The following GLI2 variants were observed in gnomAD, a reference collection of about 807,000 sequenced individuals.
GLI2 encodes the protein transcription activator GLI2.
A neutral mutation model predicts 78.9 loss-of-function variants in GLI2; 22 were observed. The ratio of observed to expected loss-of-function variants is 0.28; its 90% confidence interval spans 0.20 to 0.40. GLI2 has a LOEUF of 0.40. GLI2 is among the 10% of genes least tolerant of loss of function. GLI2 has a pLI of 1.00. For missense variants in GLI2, 2,097 were observed against 2,213.2 expected, an observed-to-expected ratio of 0.95 and a Z score of 1.05; for synonymous variants, 974 against 963.7, an observed-to-expected ratio of 1.01 and a Z score of -0.20.
intron 1 of GLI2, among the ~76,000 whole-genome samples, chr2:120,773,093 T>C (rs935220045): frequency 1.3e-5 from 2 of 152,248 alleles, no homozygotes; most frequent in African/African-American, 4.8e-5. Context: ...GTTTTCACTA[T>C]TTTGACAGTA....
intron 3 of GLI2, among the ~76,000 whole-genome samples, chr2:120,948,431 G>C (rs922867338): frequency 1.3e-5 from 2 of 152,130 alleles, no homozygotes; most frequent in African/African-American, 4.8e-5. Context: ...CGGTGGGAAG[G>C]GGGAGGTGGA....
intron 2 of GLI2, among the ~76,000 whole-genome samples, chr2:120,808,620 C>G (rs1262920075): frequency 6.6e-6 from 1 of 152,218 alleles, no homozygotes; most frequent in Non-Finnish European, 1.5e-5. Flanking sequence ...GGTTTCCACG[C>G]TGGAGTCAAT....
At chr2:120,835,897 T>C (rs1158070744) in intron 2 of GLI2, among the ~76,000 whole-genome samples, 4 of 152,190 alleles carry the variant, frequency 2.6e-5, no homozygotes, top group Non-Finnish European at 2.9e-5. Context: ...TCCATGCAGC[T>C]TAACTTTTTT....
intron 5 of GLI2, among the ~76,000 whole-genome samples, chr2:120,959,672 T>C (rs962578719): frequency 6.6e-6 from 1 of 151,630 alleles, no homozygotes; most frequent in Non-Finnish European, 1.5e-5. Context: ...GTCTGTGGGG[T>C]GTCCCCCGGC....
intron 2 of GLI2, among the ~76,000 whole-genome samples, chr2:120,924,289 G>A (rs1234214317): frequency 6.6e-6 from 1 of 152,190 alleles, no homozygotes; most frequent in East Asian, 1.9e-4. Flanking sequence ...AGCAAGGTGG[G>A]GACGTGGTGG....
At chr2:120,765,319 G>A (rs1042413553) in intron 1 of GLI2, among the ~76,000 whole-genome samples, 1 of 152,240 alleles carries the variant, frequency 6.6e-6, no homozygotes, top group South Asian at 2.1e-4. Context: ...TAAGGACAGG[G>A]TCTCCCTGGG....
intron 1 of GLI2, among the ~76,000 whole-genome samples, chr2:120,770,594 G>A (rs1683494058): frequency 6.6e-6 from 1 of 152,202 alleles, no homozygotes; most frequent in African/African-American, 2.4e-5. Flanking sequence ...TGACAGCCAG[G>A]AATGATGTGA....
At chr2:120,967,106 T>C (rs1400883606) in intron 5 of GLI2, among the ~76,000 whole-genome samples, 1 of 152,036 alleles carries the variant, frequency 6.6e-6, no homozygotes, top group East Asian at 1.9e-4. Context: ...CAGACATGAG[T>C]GTGCTTGAGC....
intron 1 of GLI2, among the ~76,000 whole-genome samples, chr2:120,740,295 G>A (rs973117866): frequency 6.6e-6 from 1 of 152,094 alleles, no homozygotes; most frequent in African/African-American, 2.4e-5. Flanking sequence ...TGTTTGTGTT[G>A]TTTCTGGTTT....
At chr2:120,880,146 C>T (rs1007061702) in intron 2 of GLI2, among the ~76,000 whole-genome samples, 1 of 152,054 alleles carries the variant, frequency 6.6e-6, no homozygotes, top group African/African-American at 2.4e-5. Flanking sequence ...AGAAAGTTGT[C>T]TTAAAGGACC....
chr2:120,921,227 C>G (rs866622673), intron 2 of GLI2, among the ~76,000 whole-genome samples: 2 of 150,590 alleles, frequency 1.3e-5, no homozygotes, highest in Admixed American at 1.3e-4. Context: ...AAAAGGTGGT[C>G]TGTAGAGACT....
chr2:120,769,977 C>T lies in GLI2; in HGVS notation c.-30-27314C>T, dbSNP rs76987063. ...CAAGTAGGTGCCTGCTGCCTCCTGT[C>T]CCCTCATTTTGGCCCTGCAGAAGGA... On this transcript the variant is annotated intron_variant, in intron 1 of 13. Transcript: ENST00000361492. 4.6e-4 allele frequency among the ~76,000 whole-genome samples: 70 copies of T among 152,236 alleles called. No individual in the cohort carries two copies. In the East Asian group the frequency reaches 0.013, roughly 29 times the overall value.
intron 13 of GLI2, 45 bp downstream of exon 13, chr2:120,986,659 G>C (rs376854789): frequency 6.6e-7 from 1 of 1,509,864 alleles, no homozygotes; most frequent in Non-Finnish European, 9.2e-7. Context: ...AAGAGAGTCT[G>C]GGGCAGCACC....
Position 120,756,185 on chromosome 2 carries a change from AGT to A in GLI2, c.-31+19901_-31+19902del, listed in dbSNP as rs1416766607. Among the ~76,000 whole-genome samples, 4 of 152,322 alleles carry A rather than the reference AGT, an allele frequency of 2.6e-5. No homozygotes were observed. In the East Asian group the frequency reaches 7.7e-4, roughly 29 times the overall value. Reference sequence around the variant, plus strand: ...GAGAATTGACATCTTAATAATATTGAGTAATCTGGCTCATGAACGAGGTATGT... The same window carrying A: ...GAGAATTGACATCTTAATAATATTGAAATCTGGCTCATGAACGAGGTATGT... On this transcript the variant is annotated intron_variant, in intron 1 of 13. Transcript: ENST00000361492.
chr2:120,860,673 A>T (rs1573495463), intron 2 of GLI2, among the ~76,000 whole-genome samples: 1 of 152,226 alleles, frequency 6.6e-6, no homozygotes. Flanking sequence ...ACCTGGGTGT[A>T]GCCTGTTTGC....
At position 120,780,107 on chromosome 2, in the gene GLI2, CG is replaced by C. The variant is rs562117751; in HGVS notation, c.-30-17182del. On this transcript the variant is annotated intron_variant, in intron 1 of 13. Transcript: ENST00000361492. ...GGCACATAAATACCTTTGGGTTTCT[CG>C]GTTCTCAGAAAGGCATCTATTACTC... is the stretch of plus-strand genomic sequence containing the variant. Among the ~76,000 whole-genome samples the C allele has an allele frequency of 7.6e-4, 115 of 151,422 alleles. 3 individuals are homozygous for C. In the Middle Eastern group the frequency reaches 0.02, roughly 27 times the overall value.
At chr2:120,929,185 G>T (rs1679832794) in intron 3 of GLI2, among the ~76,000 whole-genome samples, 1 of 152,192 alleles carries the variant, frequency 6.6e-6, no homozygotes, top group Admixed American at 6.5e-5. Flanking sequence ...TACTATAAAA[G>T]TGATGTTTGT....
intron 9 of GLI2, among the ~76,000 whole-genome samples, chr2:120,977,695 G>A (rs376231022): frequency 2.6e-4 from 39 of 152,296 alleles, no homozygotes; most frequent in African/African-American, 4.6e-4. Flanking sequence ...AGGGTTAGTC[G>A]TGCTGCGCTG....
chr2:120,774,739 G>C (rs1182185092), intron 1 of GLI2, among the ~76,000 whole-genome samples: 1 of 152,236 alleles, frequency 6.6e-6, no homozygotes, highest in Non-Finnish European at 1.5e-5. Flanking sequence ...AGGCCTGTGT[G>C]CTCCAGTTTG....
Sources: gnomAD v4.1 joint callset for allele counts (sites outside exome capture counted in the v4.1 genomes callset) on GRCh38, gnomAD v4.1.1 for gene constraint, MANE v1.5 for transcripts, NCBI Gene and HGNC (gene_info 2026-07-23, HGNC 2026-07-21) for gene names.